The following BOLA3 variants were observed in gnomAD, a reference collection of about 807,000 sequenced individuals.
The protein encoded by BOLA3 is bolA-like protein 3.
BOLA3 carries 8 observed loss-of-function variants against 14.5 expected under a neutral mutation model. The observed-to-expected ratio is 0.55, with a 90% confidence interval of 0.32 to 0.99. BOLA3 has a LOEUF of 0.99. BOLA3 is among the 50% of genes least tolerant of loss of function. BOLA3 has a pLI of 0.04. For synonymous variants in BOLA3, 42 were observed against 45.7 expected, an observed-to-expected ratio of 0.92 and a Z score of 0.33; for missense variants, 115 against 138.2, an observed-to-expected ratio of 0.83 and a Z score of 0.84.
chr2:74,140,626 C>T (rs866193718), intron 3 of BOLA3, among the ~76,000 whole-genome samples: 5 of 152,194 alleles, frequency 3.3e-5, no homozygotes, highest in Non-Finnish European at 2.9e-5. Context: ...ATCCCAAGAC[C>T]GTGAGGTGAC....
At chr2:74,142,484 G>A in intron 2 of BOLA3, 124 bp from the exon 3 acceptor site, 1 of 781,744 alleles carries the variant, frequency 1.3e-6, no homozygotes, top group Non-Finnish European at 2.2e-6. Flanking sequence ...AAGGAAAGTT[G>A]CTAAGACCAT....
intron 1 of BOLA3, chr2:74,145,753 C>A: frequency 4.6e-6 from 1 of 218,294 alleles, no homozygotes; most frequent in Non-Finnish European, 9.3e-6. Context: ...GATGGTGGGG[C>A]CAAATTCCAC....
chr2:74,135,621 C>A lies in BOLA3; in HGVS notation c.296G>T (p.Arg99Leu), dbSNP rs202046520. 1.2e-6 allele frequency: 2 copies of A among 1,614,016 alleles called. No individual in the cohort carries two copies. Among genetic ancestry groups the A allele is most frequent in the Non-Finnish European group, 8.5e-7 (1 of 1,179,942 alleles). Reference protein sequence around the residue: ...KEEIKEMHGLRIFTSVPKR With the variant: ...KEEIKEMHGLLIFTSVPKR ...GCGTTTGGGGACAGAGGTAAATATC[C>A]GCAATCCATGCATCTCTTTGATTTC... The change falls in exon 4 of 4, where the codon CGG becomes CTG. Residue 99 changes from arginine to leucine, a missense_variant. Transcript: ENST00000327428.
intron 2 of BOLA3, among the ~76,000 whole-genome samples, chr2:74,142,722 T>C (rs1444081268): frequency 6.6e-6 from 1 of 152,224 alleles, no homozygotes; most frequent in Non-Finnish European, 1.5e-5. Flanking sequence ...ATTTCAGCGT[T>C]CCAGCTTCCA....
intron 1 of BOLA3, 36 bp downstream of exon 1, chr2:74,147,785 C>T: frequency 6.5e-7 from 1 of 1,529,458 alleles, no homozygotes; most frequent in Non-Finnish European, 8.7e-7. Flanking sequence ...CAGCTCCCGT[C>T]CCGGGGAGAG....
intron 3 of BOLA3, among the ~76,000 whole-genome samples, chr2:74,136,405 G>A (rs535934881): frequency 1.3e-5 from 2 of 152,296 alleles, no homozygotes; most frequent in African/African-American, 4.8e-5. Flanking sequence ...TGACAGCTTT[G>A]AATGTGGCCT....
At chr2:74,140,164 G>A (rs1049980943) in intron 3 of BOLA3, among the ~76,000 whole-genome samples, 8 of 152,024 alleles carry the variant, frequency 5.3e-5, no homozygotes, top group African/African-American at 1.9e-4. Context: ...GGCGCCTGTA[G>A]TCCCAGCTAC....
intron 2 of BOLA3, 128 bp downstream of exon 2, chr2:74,145,061 C>A: frequency 1.4e-6 from 1 of 707,896 alleles, no homozygotes; most frequent in South Asian, 1.5e-5. Context: ...CTCCACCTGT[C>A]CAGCAGCAAC....
rs922296406 is a variant in BOLA3 at position 74,140,044 on chromosome 2, G to A, written c.258+2228C>T. Among the ~76,000 whole-genome samples, 35 of 152,190 alleles carry A rather than the reference G, an allele frequency of 2.3e-4. 1 individual carries two copies. Among genetic ancestry groups the A allele is most frequent in the Non-Finnish European group, 4.3e-4 (29 of 68,040 alleles). ...CATGCCTGTAATCCCAGCACTTTGGGAGGCCGAGGCAGGTGGATCACCTGA... is the reference window on the plus strand; with the variant it reads ...CATGCCTGTAATCCCAGCACTTTGGAAGGCCGAGGCAGGTGGATCACCTGA... On this transcript the variant is annotated intron_variant, in intron 3 of 3. Transcript: ENST00000327428.
In BOLA3 at chr2:74,145,176, A is replaced by C; in HGVS notation, c.169+13T>G. The C allele has an allele frequency of 4.2e-6, 6 of 1,438,182 alleles. No individual in the cohort carries two copies. Among genetic ancestry groups the C allele is most frequent in the Non-Finnish European group, 5.9e-6 (6 of 1,020,138 alleles). 89.1% of individuals were successfully genotyped at this position (1,438,182 alleles called of 1,614,324 possible). A position where few individuals can be genotyped will look rare whatever the true frequency, so the allele number is the denominator to read the frequency against. On this transcript the variant is annotated intron_variant, in intron 2 of 3. Transcript: ENST00000327428. ...TTATCCAAGCGCCGTAGGAAGAGTG[A>C]GAGAAACCTTACCTGAAATGTCAGT...
At position 74,145,195 on chromosome 2, in the gene BOLA3, T is replaced by C. The variant is rs766218470; in HGVS notation, c.163A>G (p.Ile55Val). The C allele has an allele frequency of 1.4e-5, 22 of 1,564,922 alleles. No homozygotes were observed. Among genetic ancestry groups the C allele is most frequent in the Non-Finnish European group, 1.8e-5 (20 of 1,135,196 alleles). Residue 55 changes from isoleucine (I) to valine (V), a missense_variant, in exon 2 of 4, where the codon ATT (isoleucine) becomes GTT (valine). Physicochemically the swap from Ile to Val is conservative, Grantham distance 29. Coordinates refer to ENST00000327428, the MANE Select transcript of BOLA3 (RefSeq NM_212552.3). The part of the protein sequence containing the change: ...PRATAIKVTD[I>V]SGGCGAMYEI... ...AGAGTGAGAGAAACCTTACCTGAAA[T>C]GTCAGTGACTTTTATAGCTGTAGCT...
At chr2:74,145,813 A>C (rs765827724) in intron 1 of BOLA3, 13 of 168,778 alleles carry the variant, frequency 7.7e-5, no homozygotes, top group Non-Finnish European at 1.2e-4. Context: ...CCCCAGTGGG[A>C]TGTGACCTCA....
At position 74,147,892 on chromosome 2, in the gene BOLA3, C is replaced by T; in HGVS notation, c.-18G>A. On this transcript the variant is annotated 5_prime_UTR_variant, in exon 1 of 4. Coordinates refer to ENST00000327428, the MANE Select transcript of BOLA3 (RefSeq NM_212552.3). Reference sequence around the variant, plus strand: ...GCAGCCATGCCCGGCCGACGTGACCCGCCGCCCGAGGTCACTGTATGCCCG... The same window carrying T: ...GCAGCCATGCCCGGCCGACGTGACCTGCCGCCCGAGGTCACTGTATGCCCG... 1 of 1,513,214 alleles carries T rather than the reference C, an allele frequency of 6.6e-7. No individual in the cohort carries two copies. Among genetic ancestry groups the T allele is most frequent in the Non-Finnish European group, 8.8e-7 (1 of 1,138,228 alleles). The allele number at this position is 1,513,214 out of a possible 1,614,324, so 93.7% of individuals were successfully genotyped here.
intron 3 of BOLA3, among the ~76,000 whole-genome samples, chr2:74,140,627 G>A (rs1448667838): frequency 2.6e-5 from 4 of 152,160 alleles, no homozygotes; most frequent in East Asian, 1.9e-4. Flanking sequence ...TCCCAAGACC[G>A]TGAGGTGACA....
chr2:74,146,998 G>C (rs1379078037), intron 1 of BOLA3: 1 of 152,742 alleles, frequency 6.5e-6, no homozygotes, highest in Non-Finnish European at 1.5e-5. Flanking sequence ...CAGGAGTGAG[G>C]GTGGGGTGGA....
In BOLA3 at chr2:74,145,046, C is replaced by T. The variant is rs957859635; in HGVS notation, c.169+143G>A. The T allele has an allele frequency of 2.1e-4, 144 of 680,254 alleles. 1 individual carries two copies. The African/African-American group carries it at 2.3e-3, about 11-fold the overall frequency. 42.1% of individuals were successfully genotyped at this position (680,254 alleles called of 1,614,324 possible). On this transcript the variant is annotated intron_variant, in intron 2 of 3. Coordinates refer to ENST00000327428, the MANE Select transcript of BOLA3 (RefSeq NM_212552.3). ...CTGCCATCCCATGAGGTGGGGGCAG[C>T]CGAGCTCCACCTGTCCAGCAGCAAC...
Position 74,135,608 on chromosome 2 carries a change from A to T in BOLA3, c.309T>A (p.Ser103=). The part of the protein sequence containing the change: ...KEMHGLRIFT[S]VPKR The stretch of plus-strand genomic sequence containing the variant: ...CAGGGCGTGGTCAGCGTTTGGGGAC[A>T]GAGGTAAATATCCGCAATCCATGCA... Residue 103 remains serine (S), a synonymous_variant, in exon 4 of 4, where the codon TCT becomes TCA. Transcript: ENST00000327428. The T allele has an allele frequency of 6.2e-7, 1 of 1,614,186 alleles. No individual in the cohort carries two copies. Among genetic ancestry groups the T allele is most frequent in the Non-Finnish European group, 8.5e-7 (1 of 1,180,022 alleles).
chr2:74,143,782 G>A (rs1692490325), intron 2 of BOLA3, among the ~76,000 whole-genome samples: 1 of 151,820 alleles, frequency 6.6e-6, no homozygotes, highest in Non-Finnish European at 1.5e-5. Flanking sequence ...TGCCTCCCAG[G>A]TTCAAGCGAT....
chr2:74,142,422 T>C, intron 2 of BOLA3, 62 bp from the exon 3 acceptor site: 1 of 1,276,244 alleles, frequency 7.8e-7, no homozygotes, highest in Non-Finnish European at 1.1e-6. Context: ...TGGTCCCATA[T>C]ATCCTTGAAG....
Sources: gnomAD v4.1 joint callset for allele counts (sites outside exome capture counted in the v4.1 genomes callset) on GRCh38, gnomAD v4.1.1 for gene constraint, MANE v1.5 for transcripts, NCBI Gene and HGNC (gene_info 2026-07-23, HGNC 2026-07-21) for gene names.